The following CCDC60 variants were observed in gnomAD, a reference collection of about 807,000 sequenced individuals.
The protein encoded by CCDC60 is coiled-coil domain-containing protein 60.
CCDC60 carries 54 observed loss-of-function variants against 63.5 expected under a neutral mutation model. The observed-to-expected ratio is 0.85, with a 90% CI of 0.68 to 1.07. The LOEUF (loss-of-function observed/expected upper bound fraction) is 1.07, where lower values mean the gene tolerates loss of function less well. Ranked by LOEUF, CCDC60 falls within the 50% of genes least tolerant of loss-of-function variation. CCDC60 has a pLI of 0.00. For missense variants in CCDC60, 651 were observed against 684.3 expected, an observed-to-expected ratio of 0.95 and a Z score of 0.54; for synonymous variants, 206 against 238.8, an observed-to-expected ratio of 0.86 and a Z score of 1.27.
At chr12:119,488,924 AG>A in intron 5 of CCDC60, 58 bp downstream of exon 5, 15 of 1,362,398 alleles carry the variant, frequency 1.1e-5, no homozygotes, top group Non-Finnish European at 1.6e-5. Flanking sequence ...AGTGGGGAAG[AG>A]ATTCCTGTAT....
chr12:119,532,393 G>T (rs1337858330), intron 13 of CCDC60, among the ~76,000 whole-genome samples: 1 of 105,464 alleles, frequency 9.5e-6, no homozygotes, highest in Non-Finnish European at 2.1e-5. Flanking sequence ...GAACATCACA[G>T]AACTATTATT....
At chr12:119,535,540 T>G (rs1467552147) in intron 13 of CCDC60, among the ~76,000 whole-genome samples, 2 of 152,220 alleles carry the variant, frequency 1.3e-5, no homozygotes, top group Non-Finnish European at 2.9e-5. Flanking sequence ...TGCCTTCTCT[T>G]GTGGGCATTT....
chr12:119,468,011 A>G (rs941189448), intron 2 of CCDC60, among the ~76,000 whole-genome samples: 2 of 152,132 alleles, frequency 1.3e-5, no homozygotes, highest in Non-Finnish European at 2.9e-5. Context: ...ACGGTGGCTC[A>G]TGCCTGTAAT....
At chr12:119,370,187 T>C (rs1486974035) in intron 1 of CCDC60, among the ~76,000 whole-genome samples, 1 of 152,152 alleles carries the variant, frequency 6.6e-6, no homozygotes, top group African/African-American at 2.4e-5. Flanking sequence ...CACAATCCAT[T>C]TTAAAGTTCC....
intron 1 of CCDC60, among the ~76,000 whole-genome samples, chr12:119,368,065 GA>G (rs76382967): frequency 0.12 from 17,245 of 143,878 alleles, 1,783 homozygotes; most frequent in East Asian, 0.55. Context: ...AAGAAAAAAA[GA>G]AGAACAAGAA....
chr12:119,505,329 A>C, intron 7 of CCDC60, 26 bp downstream of exon 7: 2 of 1,510,038 alleles, frequency 1.3e-6, no homozygotes, highest in Non-Finnish European at 1.8e-6. Context: ...GATCTGACTC[A>C]TCTACCCTGA....
At chr12:119,506,011 G>A (rs1334055095) in intron 7 of CCDC60, among the ~76,000 whole-genome samples, 1 of 152,048 alleles carries the variant, frequency 6.6e-6, no homozygotes. Flanking sequence ...TTATTATTGA[G>A]ATATAATTTA....
chr12:119,473,426 C>G (rs1951106884), intron 3 of CCDC60, among the ~76,000 whole-genome samples: 1 of 152,188 alleles, frequency 6.6e-6, no homozygotes. Context: ...ACATTAGGCT[C>G]TCTAATATAC....
rs1173487458 is a variant in CCDC60 at position 119,524,702 on chromosome 12, GTTTCT to G, written c.1229+903_1229+907del. Among the ~76,000 whole-genome samples, 193 of 121,262 alleles carry G rather than the reference GTTTCT, an allele frequency of 1.6e-3. 1 individual carries two copies. Among genetic ancestry groups the G allele is most frequent in the African/African-American group, 3.1e-3 (91 of 29,308 alleles). 79.6% of individuals were successfully genotyped at this position (121,262 alleles called of 152,430 possible). ...AAAGGTTTCCTTGGAGGAAACAGCAGTTTCTTTTCTTTTCTTTTCTTTTTTTTTTT... is the reference window on the plus strand; with the variant it reads ...AAAGGTTTCCTTGGAGGAAACAGCAGTTTCTTTTCTTTTCTTTTTTTTTTT... On this transcript the variant is annotated intron_variant, in intron 11 of 13. Transcript: ENST00000327554.
intron 7 of CCDC60, among the ~76,000 whole-genome samples, chr12:119,507,487 CATATAT>C: frequency 7.1e-6 from 1 of 140,516 alleles, no homozygotes; most frequent in Non-Finnish European, 1.5e-5. Context: ...CATATATACA[CATATAT>C]ACATATATAC....
At chr12:119,498,675 C>G (rs1951770567) in intron 5 of CCDC60, among the ~76,000 whole-genome samples, 1 of 151,796 alleles carries the variant, frequency 6.6e-6, no homozygotes, top group African/African-American at 2.4e-5. Flanking sequence ...GAGAGCTAGA[C>G]AAATAATTAA....
At chr12:119,533,520 T>C (rs1212536682) in intron 13 of CCDC60, among the ~76,000 whole-genome samples, 5 of 152,256 alleles carry the variant, frequency 3.3e-5, no homozygotes, top group African/African-American at 1.2e-4. Flanking sequence ...TGGTACTGCC[T>C]AGGTTTTCTT....
chr12:119,373,971 A>C (rs1237162836), intron 1 of CCDC60, among the ~76,000 whole-genome samples: 1 of 152,180 alleles, frequency 6.6e-6, no homozygotes, highest in African/African-American at 2.4e-5. Context: ...TTTGAAGGAA[A>C]TGAAGAGAAC....
At chr12:119,434,551 T>C (rs1950292309) in intron 2 of CCDC60, among the ~76,000 whole-genome samples, 1 of 152,200 alleles carries the variant, frequency 6.6e-6, no homozygotes, top group Admixed American at 6.5e-5. Context: ...AACCAGGTGA[T>C]GTATAAATAG....
At chr12:119,413,446 G>T (rs1956642572) in intron 1 of CCDC60, among the ~76,000 whole-genome samples, 1 of 152,192 alleles carries the variant, frequency 6.6e-6, no homozygotes, top group African/African-American at 2.4e-5. Flanking sequence ...AGGCATCGCG[G>T]GGGGAACATT....
chr12:119,373,822 CAT>C (rs1448471168), intron 1 of CCDC60, among the ~76,000 whole-genome samples: 2 of 152,212 alleles, frequency 1.3e-5, no homozygotes, highest in Non-Finnish European at 2.9e-5. Context: ...AGAGACCAAA[CAT>C]GTGGATGATT....
intron 13 of CCDC60, among the ~76,000 whole-genome samples, chr12:119,537,752 A>G (rs908129709): frequency 6.6e-6 from 1 of 152,194 alleles, no homozygotes; most frequent in Non-Finnish European, 1.5e-5. Flanking sequence ...AGGCTGTAGA[A>G]CAGCAAATAT....
intron 6 of CCDC60, among the ~76,000 whole-genome samples, chr12:119,504,478 G>C (rs527831209): frequency 6.6e-6 from 1 of 152,236 alleles, no homozygotes; most frequent in African/African-American, 2.4e-5. Flanking sequence ...CCTCCCCCAA[G>C]AATGCCACTG....
Position 119,540,667 on chromosome 12 carries a change from G to A in CCDC60, c.1605G>A (p.Leu535=), listed in dbSNP as rs1341475137. The change falls in exon 14 of 14, where the codon CTG becomes CTA. Residue 535 remains leucine, a synonymous_variant. Coordinates refer to ENST00000327554, the MANE Select transcript of CCDC60 (RefSeq NM_178499.5). ...HMPQEDYISW[L]QSRINIPIGP... ...CTCAAGAGGATTACATCAGCTGGCTGCAGAGCCGGATCAACATACCCATTG... is the reference window on the plus strand; with the variant it reads ...CTCAAGAGGATTACATCAGCTGGCTACAGAGCCGGATCAACATACCCATTG... 16 of 1,613,892 alleles carry A rather than the reference G, an allele frequency of 9.9e-6. No homozygotes were observed. Among genetic ancestry groups the A allele is most frequent in the South Asian group, 4.4e-5 (4 of 91,082 alleles).
Sources: gnomAD v4.1 joint callset for allele counts (sites outside exome capture counted in the v4.1 genomes callset) on GRCh38, gnomAD v4.1.1 for gene constraint, MANE v1.5 for transcripts, NCBI Gene and HGNC (gene_info 2026-07-23, HGNC 2026-07-21) for gene names.